SAMD15: variants seen among roughly 807,000 people sequenced by gnomAD.
The protein encoded by SAMD15 is sterile alpha motif domain containing 15, also known as sterile alpha motif domain-containing protein 15.
In SAMD15, 37 loss-of-function variants were observed where a neutral mutation model predicts 50.5. That is an observed-to-expected ratio of 0.73 (90% confidence interval 0.56 to 0.96). The LOEUF is 0.96. SAMD15 is among the 40% of genes least tolerant of loss of function. SAMD15 has a pLI of 0.00. For synonymous variants in SAMD15, 255 were observed against 282.8 expected (o/e 0.90, Z 0.99); for missense variants, 789 against 783.8 (o/e 1.01, Z -0.08).
At chr14:77,384,946 G>T (rs1280690963) in intron 2 of SAMD15, among the ~76,000 whole-genome samples, 1 of 152,170 alleles carries the variant, frequency 6.6e-6, no homozygotes, top group Non-Finnish European at 1.5e-5. Context: ...ACTTTGGGAG[G>T]CTCAGGCGGG....
chr14:77,380,269 T>G (rs956121081), intron 1 of SAMD15, 114 bp from the exon 2 acceptor site: 89 of 706,210 alleles, frequency 1.3e-4, no homozygotes, highest in Non-Finnish European at 1.9e-4. Context: ...AACAAAATAA[T>G]ATTTTTTTCT....
chr14:77,380,036 T>C (rs10140162), intron 1 of SAMD15, among the ~76,000 whole-genome samples: 1,597 of 152,306 alleles, frequency 0.01, 26 homozygotes, highest in African/African-American at 0.036. Context: ...GCACTGGTTG[T>C]ACCATGCCCA....
At chr14:77,390,875 G>A (rs558223874) in intron 2 of SAMD15, 133 bp from the exon 3 acceptor site, 2 of 681,236 alleles carry the variant, frequency 2.9e-6, no homozygotes, top group Non-Finnish European at 5.1e-6. Context: ...GGGCGACAGA[G>A]CAAGACTTCG....
chr14:77,383,824 T>C (rs574964880), intron 2 of SAMD15, among the ~76,000 whole-genome samples: 2 of 151,924 alleles, frequency 1.3e-5, no homozygotes, highest in South Asian at 4.2e-4. Flanking sequence ...AATAAAAAAA[T>C]TAGCTAGGCA....
Position 77,377,743 on chromosome 14 carries a change from T to G in SAMD15, c.325T>G (p.Ser109Ala). 1 of 1,613,984 alleles carries G rather than the reference T, an allele frequency of 6.2e-7. No homozygotes were observed. The highest frequency in any genetic ancestry group is 8.5e-7 in the Non-Finnish European group (1 of 1,179,972). Residue 109 changes from serine (S) to alanine (A), a missense_variant, in exon 1 of 3, where the codon TCG becomes GCG. By Grantham distance (99) the Ser-to-Ala change is moderately conservative (BLOSUM62 1). Transcript: ENST00000216471. ...ACCAGGGATACACCAAGAGGTAAAG[T>G]CGGAAACATCCAGAGAGATGGGAGA... The part of the protein sequence containing the change: ...TEPGIHQEVK[S>A]ETSREMGEFF...
At chr14:77,389,506 T>C (rs1894047033) in intron 2 of SAMD15, among the ~76,000 whole-genome samples, 1 of 146,932 alleles carries the variant, frequency 6.8e-6, no homozygotes, top group African/African-American at 2.5e-5. Flanking sequence ...ATTTTTTTTT[T>C]TTTTTTTTTT....
In SAMD15 at chr14:77,390,995, C is replaced by G; in HGVS notation, c.1789-13C>G. On this transcript the variant is annotated splice_polypyrimidine_tract_variant and intron_variant, in intron 2 of 2. Transcript: ENST00000216471. ...CAGGTTAGTCTAATTAAAAATTTAT[C>G]CTTGCGTTTCAGGCAATTTCTCGGC... is the stretch of plus-strand genomic sequence containing the variant. 2 of 1,542,184 alleles carry G rather than the reference C, an allele frequency of 1.3e-6. No homozygotes were observed. Among genetic ancestry groups the G allele is most frequent in the Non-Finnish European group, 1.8e-6 (2 of 1,122,606 alleles).
chr14:77,385,053 C>T (rs991158907), intron 2 of SAMD15, among the ~76,000 whole-genome samples: 4 of 151,666 alleles, frequency 2.6e-5, no homozygotes, highest in South Asian at 2.1e-4. Context: ...CCTGGTTGTG[C>T]GCACCTGTAA....
chr14:77,381,444 C>A (rs1893941993), intron 2 of SAMD15, among the ~76,000 whole-genome samples: 1 of 152,168 alleles, frequency 6.6e-6, no homozygotes, highest in Non-Finnish European at 1.5e-5. Flanking sequence ...TTGGCATAAC[C>A]ATGGTTTTGC....
At chr14:77,379,265 C>T in intron 1 of SAMD15, 158 bp downstream of exon 1, 1 of 652,300 alleles carries the variant, frequency 1.5e-6, no homozygotes, top group Non-Finnish European at 2.6e-6. Flanking sequence ...GGCCTTGCCA[C>T]TGATGTATAT....
chr14:77,385,807 T>C (rs1893998114), intron 2 of SAMD15, among the ~76,000 whole-genome samples: 1 of 151,768 alleles, frequency 6.6e-6, no homozygotes, highest in Non-Finnish European at 1.5e-5. Flanking sequence ...TACAGTTAGA[T>C]TCATTTGTCC....
chr14:77,385,782 T>C (rs1459148236), intron 2 of SAMD15, among the ~76,000 whole-genome samples: 2 of 152,076 alleles, frequency 1.3e-5, no homozygotes, highest in East Asian at 1.9e-4. Context: ...AGTGAGATTA[T>C]GTCTTACTCT....
At chr14:77,379,429 G>A (rs1893916833) in intron 1 of SAMD15, among the ~76,000 whole-genome samples, 1 of 151,340 alleles carries the variant, frequency 6.6e-6, no homozygotes, top group Non-Finnish European at 1.5e-5. Context: ...TCTTGCCAAG[G>A]TTGGAGTGCA....
At position 77,378,437 on chromosome 14, in the gene SAMD15, A is replaced by C; in HGVS notation, c.1019A>C (p.Glu340Ala). The change falls in exon 1 of 3, where the codon GAA (glutamate) becomes GCA (alanine). Residue 340 changes from glutamate (E) to alanine (A), a missense_variant. This residue lies in a region of SAMD15 where 770 missense variants were observed against 745.4 expected (regional missense o/e 1.03). Coordinates refer to ENST00000216471, the MANE Select transcript of SAMD15 (RefSeq NM_001010860.4). ...ATCAAATTAGAGTTTCCTGAGGAAG[A>C]ATCAAGAAAAACAAATGAGGAAACA... ...EEIKLEFPEE[E>A]SRKTNEETIL... 6.2e-7 allele frequency: 1 copy of C among 1,613,976 alleles called. No homozygotes were observed. Among genetic ancestry groups the C allele is most frequent in the South Asian group, 1.1e-5 (1 of 91,062 alleles).
chr14:77,380,181 A>C (rs10151003), intron 1 of SAMD15, among the ~76,000 whole-genome samples: 26,688 of 152,216 alleles, frequency 0.18, 2,642 homozygotes, highest in Middle Eastern at 0.28. Flanking sequence ...CAGGAGTTCG[A>C]GGCTGCAGTG....
chr14:77,380,915 C>T (rs4903577), intron 2 of SAMD15, among the ~76,000 whole-genome samples: 83,684 of 151,962 alleles, frequency 0.55, 25,634 homozygotes, highest in African/African-American at 0.82. Context: ...AATTTAGGGC[C>T]CTCCACAAGT....
rs1594859618 is a variant in SAMD15 at position 77,377,694 on chromosome 14, G to A, written c.276G>A (p.Lys92=). 7.4e-6 allele frequency: 12 copies of A among 1,614,208 alleles called. No homozygotes were observed. In the East Asian group the frequency reaches 2.7e-4, roughly 36 times the overall value. The change falls in exon 1 of 3, where the codon AAG becomes AAA. Residue 92 remains lysine (K), a synonymous_variant. Coordinates refer to ENST00000216471, the MANE Select transcript of SAMD15 (RefSeq NM_001010860.4). ...AGGAAGGAATTGCCAAGGAGTCCAA[G>A]AGAGACGTACCAAGCGAAACTGAAC... is the stretch of plus-strand genomic sequence containing the variant. The part of the protein sequence containing the change: ...TSQEGIAKES[K]RDVPSETEPG...
intron 2 of SAMD15, among the ~76,000 whole-genome samples, chr14:77,380,982 A>G (rs1277899272): frequency 6.6e-6 from 1 of 152,128 alleles, no homozygotes; most frequent in Admixed American, 6.5e-5. Flanking sequence ...CACCAGGTCT[A>G]ACACCTTCGC....
chr14:77,378,551 A>G lies in SAMD15; in HGVS notation c.1133A>G (p.Glu378Gly). 6.2e-7 allele frequency: 1 copy of G among 1,613,390 alleles called. No individual in the cohort carries two copies. The highest frequency in any genetic ancestry group is 1.7e-4 in the Middle Eastern group (1 of 6,058). ...NEKKNPQPPE[E>G]TGPVLPQEIN... ...AAAAAAAATCCACAGCCACCAGAGG[A>G]GACTGGTCCAGTGCTACCACAGGAG... The change falls in exon 1 of 3, where the codon GAG becomes GGG. Residue 378 changes from glutamate to glycine, a missense_variant. Around this residue, in one of 2 missense-constraint regions of SAMD15, gnomAD observed 770 missense variants for 745.4 expected, o/e 1.03. Coordinates refer to ENST00000216471, the MANE Select transcript of SAMD15 (RefSeq NM_001010860.4).
Sources: gnomAD v4.1 joint callset for allele counts (sites outside exome capture counted in the v4.1 genomes callset) on GRCh38, gnomAD v4.1.1 for gene constraint, gnomAD v4.1.1 regional missense constraint, MANE v1.5 for transcripts, NCBI Gene and HGNC (gene_info 2026-07-23, HGNC 2026-07-21) for gene names.